Variants in DDR1 observed in about 807,000 individuals in gnomAD.
DDR1 encodes the protein discoidin domain receptor tyrosine kinase 1, also known as epithelial discoidin domain-containing receptor 1.
A neutral mutation model predicts 97.4 loss-of-function variants in DDR1; 64 were observed. The ratio of observed to expected loss-of-function variants is 0.66; its 90% CI spans 0.54 to 0.81. DDR1 has a LOEUF of 0.81. Among genes scored for constraint, DDR1 ranks in the 30% least tolerant of loss-of-function variants. The pLI is 0.00. For synonymous variants in DDR1, 458 were observed against 503.7 expected, an observed-to-expected ratio of 0.91 and a Z score of 1.21; for missense variants, 990 against 1,259.6, an observed-to-expected ratio of 0.79 and a Z score of 3.24.
chr6:30,890,823 TG>T lies in DDR1; in HGVS notation c.418-148del. ...TGCAGATCTTCATTTCACCCATGCCTGGCTGCGCCCCACAGTGCTGTGTGCT... is the reference window on the plus strand; with the variant it reads ...TGCAGATCTTCATTTCACCCATGCCTGCTGCGCCCCACAGTGCTGTGTGCT... On this transcript the variant is annotated intron_variant, in intron 4 of 17. Coordinates refer to ENST00000376568, the MANE Select transcript of DDR1 (RefSeq NM_001297654.2). The surrounding 1 kb of genome is among the most constrained non-coding windows in gnomAD (Gnocchi z 5.0). 1 of 710,578 alleles carries T rather than the reference TG, an allele frequency of 1.4e-6. No homozygotes were observed. Among genetic ancestry groups the T allele is most frequent in the Non-Finnish European group, 2.2e-6 (1 of 463,098 alleles). 44.0% of individuals were successfully genotyped at this position (710,578 alleles called of 1,614,324 possible).
At chr6:30,887,855 C>T (rs1786473201) in intron 1 of DDR1, among the ~76,000 whole-genome samples, 1 of 152,170 alleles carries the variant, frequency 6.6e-6, no homozygotes, top group Admixed American at 6.5e-5. Flanking sequence ...CCATCTCGGC[C>T]TCCCAAAGTG....
chr6:30,896,281 G>C (rs1394240313), intron 12 of DDR1, among the ~76,000 whole-genome samples: 1 of 151,820 alleles, frequency 6.6e-6, no homozygotes, highest in South Asian at 2.1e-4. Context: ...ACCATCCTGA[G>C]GCGGGAGAAT....
chr6:30,882,390 C>T (rs569951183), upstream of DDR1, among the ~76,000 whole-genome samples: 52 of 152,268 alleles, frequency 3.4e-4, no homozygotes, highest in Middle Eastern at 6.8e-3. This position sits in a 1 kb window ranked among gnomAD's most constrained non-coding sequence, Gnocchi z 4.8. Flanking sequence ...CTCTGGGGTT[C>T]GGAGTGATGC....
At chr6:30,895,556 C>A in intron 12 of DDR1, 42 bp downstream of exon 12, 2 of 1,296,002 alleles carry the variant, frequency 1.5e-6, no homozygotes, top group Non-Finnish European at 2.2e-6. Flanking sequence ...CTCCCCATAC[C>A]TCTACTGGGG....
At chr6:30,885,831 C>CGT (rs747520359) in intron 1 of DDR1, 59 of 1,287,754 alleles carry the variant, frequency 4.6e-5, no homozygotes, top group Non-Finnish European at 5.3e-5. Flanking sequence ...TGTGTTTCAC[C>CGT]GTGTGTGTGT....
rs1431931341 is a variant in DDR1, at chr6:30,894,714, T to A, written c.1513+43T>A. The A allele has an allele frequency of 1.3e-6, 2 of 1,506,348 alleles. No homozygotes were observed. Among genetic ancestry groups the A allele is most frequent in the Non-Finnish European group, 1.8e-6 (2 of 1,124,704 alleles). The allele number at this position is 1,506,348 out of a possible 1,614,324, so 93.3% of individuals were successfully genotyped here. On this transcript the variant is annotated intron_variant, in intron 11 of 17. Transcript: ENST00000376568. The surrounding 1 kb of genome is among the most constrained non-coding windows in gnomAD (Gnocchi z 5.7). Reference sequence around the variant, plus strand: ...CCAGTCGCACCTCTGTCCTCTCTGCTGTTTTCTTATTGTATCCCTTTCCCA... The same window carrying A: ...CCAGTCGCACCTCTGTCCTCTCTGCAGTTTTCTTATTGTATCCCTTTCCCA...
rs754763565 is a variant in DDR1 at position 30,891,231 on chromosome 6, TG to T, written c.565+112del. 6.6e-6 allele frequency: 10 copies of T among 1,518,174 alleles called. No individual in the cohort carries two copies. The highest frequency in any genetic ancestry group is 9.0e-6 in the Non-Finnish European group (10 of 1,114,986). The allele number at this position is 1,518,174 out of a possible 1,614,324, so 94.0% of individuals were successfully genotyped here. A position where few individuals can be genotyped will look rare whatever the true frequency, so the allele number is the denominator to read the frequency against. On this transcript the variant is annotated intron_variant, in intron 5 of 17. Transcript: ENST00000376568. The surrounding 1 kb of genome is among the most constrained non-coding windows in gnomAD (Gnocchi z 5.3). The stretch of plus-strand genomic sequence containing the variant: ...TTCTCCTGCTGGGAAGCTGTCACTC[TG>T]AGGAGGGGGCTAGCCAGCATTGTCT...
Position 30,895,450 on chromosome 6 carries a change from C to T in DDR1, c.1560C>T (p.Tyr520=), listed in dbSNP as rs1039650854. 5.6e-6 allele frequency: 9 copies of T among 1,609,834 alleles called. No homozygotes were observed. The highest frequency in any genetic ancestry group is 3.3e-5 in the South Asian group (3 of 90,548). The change falls in exon 12 of 18, where the codon TAC becomes TAT. Residue 520 remains tyrosine, a synonymous_variant. Transcript: ENST00000376568. ...NPAYRLLLAT[Y]ARPPRGPGPP... is the part of the protein sequence containing the mutation. ...CCTACCGCCTCCTTCTGGCCACTTA[C>T]GCCCGTCCCCCTCGAGGCCCGGGCC...
rs1249684989 is a variant in DDR1 at position 30,889,624 on chromosome 6, T to C, written c.417+194T>C. Among the ~76,000 whole-genome samples the C allele has an allele frequency of 6.6e-6, 1 of 151,992 alleles. No homozygotes were observed. The highest frequency in any genetic ancestry group is 2.1e-4 in the South Asian group (1 of 4,828). On this transcript the variant is annotated intron_variant, in intron 4 of 17. Transcript: ENST00000376568. The surrounding 1 kb of genome is among the most constrained non-coding windows in gnomAD (Gnocchi z 4.9). The stretch of plus-strand genomic sequence containing the variant: ...CCACTTAGATGTCTTTTTTTTTTTT[T>C]CTAATAGATGGGGTCTTGCTGTGTT...
rs776932854 is a variant in DDR1 at position 30,892,098 on chromosome 6, C to G, written c.762C>G (p.Asp254Glu). 3 of 1,614,176 alleles carry G rather than the reference C, an allele frequency of 1.9e-6. No homozygotes were observed. In the East Asian group the frequency reaches 6.7e-5, roughly 36 times the overall value. The change falls in exon 7 of 18, where the codon GAC becomes GAG. Residue 254 changes from aspartate to glutamate, a missense_variant. Physicochemically the swap from Asp to Glu is conservative, Grantham distance 45. Coordinates refer to ENST00000376568, the MANE Select transcript of DDR1 (RefSeq NM_001297654.2). ...AGCTGCGGGTCTGGCCAGGCTATGA[C>G]TATGTGGGATGGAGCAACCACAGCT... ...SQELRVWPGY[D>E]YVGWSNHSFS...
rs1307942347 is a variant in DDR1 at position 30,897,500 on chromosome 6, G to A, written c.2119G>A (p.Gly707Ser). 4.3e-6 allele frequency: 7 copies of A among 1,614,008 alleles called. No homozygotes were observed. Among genetic ancestry groups the A allele is most frequent in the East Asian group, 4.5e-5 (2 of 44,878 alleles). Residue 707 changes from glycine (G) to serine (S), a missense_variant, in exon 15 of 18, where the codon GGC becomes AGC. Coordinates refer to ENST00000376568, the MANE Select transcript of DDR1 (RefSeq NM_001297654.2). This position sits in a 1 kb window ranked among gnomAD's most constrained non-coding sequence, Gnocchi z 5.2. ...CATGATTACTGACTACATGGAGAAC[G>A]GCGACCTCAACCAGTTCCTCAGTGC... ...LCMITDYMENGDLNQFLSAHQ... is the reference protein window; with the variant it reads ...LCMITDYMENSDLNQFLSAHQ...
chr6:30,888,663 GCAC>G lies in DDR1; in HGVS notation c.-42-20_-42-18del, dbSNP rs976986533. ...TGACTCAGTCCCCTGATTAACTTAC[GCAC>G]CACCCATTTTATCCCCTGCAGAGAT... is the stretch of plus-strand genomic sequence containing the variant. On this transcript the variant is annotated intron_variant, in intron 1 of 17. Transcript: ENST00000376568. This position sits in a 1 kb window ranked among gnomAD's most constrained non-coding sequence, Gnocchi z 4.2. 2 of 1,595,230 alleles carry G rather than the reference GCAC, an allele frequency of 1.3e-6. No homozygotes were observed. The highest frequency in any genetic ancestry group is 1.7e-6 in the Non-Finnish European group (2 of 1,171,148).
chr6:30,885,179 C>G, intron 1 of DDR1: 1 of 1,529,212 alleles, frequency 6.5e-7, no homozygotes, highest in Non-Finnish European at 8.8e-7. Context: ...AGTGACACCA[C>G]TCTTCCCGGC....
intron 16 of DDR1, 130 bp downstream of exon 16, chr6:30,898,437 T>G: frequency 1.4e-6 from 1 of 715,530 alleles, no homozygotes; most frequent in South Asian, 1.8e-5. Flanking sequence ...ATCTATAATA[T>G]GAGGTTCTCC....
rs1787975984 is a variant in DDR1 at position 30,891,093 on chromosome 6, G to A, written c.538G>A (p.Val180Ile). The change falls in exon 5 of 18, where the codon GTA becomes ATA. Residue 180 changes from valine to isoleucine, a missense_variant. Transcript: ENST00000376568. This position sits in a 1 kb window ranked among gnomAD's most constrained non-coding sequence, Gnocchi z 5.3. ...ADRVMSVCLR[V>I]ELYGCLWRDG... ...CCGGGTCATGAGCGTCTGTCTGCGG[G>A]TAGAGCTCTATGGCTGCCTCTGGAG... 1.2e-6 allele frequency: 2 copies of A among 1,612,952 alleles called. No individual in the cohort carries two copies. The highest frequency in any genetic ancestry group is 1.7e-6 in the Non-Finnish European group (2 of 1,180,028).
chr6:30,897,379 G>A lies in DDR1; in HGVS notation c.1998G>A (p.Arg666=), dbSNP rs1350837671. The A allele has an allele frequency of 6.2e-7, 1 of 1,614,036 alleles. No homozygotes were observed. Among genetic ancestry groups the A allele is most frequent in the East Asian group, 2.2e-5 (1 of 44,860 alleles). ...ILRPDATKNA[R]NDFLKEVKIM... is the part of the protein sequence containing the mutation. ...TCTTCAGCTTCTCCTTGTTCTCCAG[G>A]AATGATTTCCTGAAAGAGGTGAAGA... The change falls in exon 15 of 18, where the codon AGG becomes AGA. Residue 666 remains arginine (R), a splice_region_variant and synonymous_variant. Transcript: ENST00000376568. This position sits in a 1 kb window ranked among gnomAD's most constrained non-coding sequence, Gnocchi z 5.2.
At position 30,892,898 on chromosome 6, in the gene DDR1, A is replaced by G. The variant is rs917821816; in HGVS notation, c.1100-170A>G. The G allele has an allele frequency of 4.0e-5, 26 of 647,568 alleles. No homozygotes were observed. The African/African-American group carries it at 4.7e-4, about 12-fold the overall frequency. The allele number at this position is 647,568 out of a possible 1,614,324, so 40.1% of individuals were successfully genotyped here. On this transcript the variant is annotated intron_variant, in intron 8 of 17. Transcript: ENST00000376568. ...TCCAGCAACTATAGGGTTAACACCCACCACAGCTGGGTGTTCCAGGACCCT... is the reference window on the plus strand; with the variant it reads ...TCCAGCAACTATAGGGTTAACACCCGCCACAGCTGGGTGTTCCAGGACCCT...
Position 30,898,266 on chromosome 6 carries a change from G to C in DDR1, c.2410G>C (p.Val804Leu). 1 of 1,614,190 alleles carries C rather than the reference G, an allele frequency of 6.2e-7. No individual in the cohort carries two copies. Among genetic ancestry groups the C allele is most frequent in the East Asian group, 2.2e-5 (1 of 44,878 alleles). Residue 804 changes from valine (V) to leucine (L), a missense_variant, in exon 16 of 18, where the codon GTG (valine) becomes CTG (leucine). Coordinates refer to ENST00000376568, the MANE Select transcript of DDR1 (RefSeq NM_001297654.2). The part of the protein sequence containing the change: ...GDYYRVQGRA[V>L]LPIRWMAWEC... ...CTATTACCGTGTGCAGGGCCGGGCA[G>C]TGCTGCCCATCCGCTGGATGGCCTG...
chr6:30,891,262 C>T lies in DDR1; in HGVS notation c.566-118C>T. On this transcript the variant is annotated intron_variant, in intron 5 of 17. Coordinates refer to ENST00000376568, the MANE Select transcript of DDR1 (RefSeq NM_001297654.2). The surrounding 1 kb of genome is among the most constrained non-coding windows in gnomAD (Gnocchi z 5.3). ...GGGGGCTAGCCAGCATTGTCTCCTC[C>T]ATGCCAATGAGCCAGTGGAGAGATA... 7.0e-7 allele frequency: 1 copy of T among 1,419,260 alleles called. No homozygotes were observed. The highest frequency in any genetic ancestry group is 9.7e-7 in the Non-Finnish European group (1 of 1,029,674). The allele number at this position is 1,419,260 out of a possible 1,614,324, so 87.9% of individuals were successfully genotyped here. A position where few individuals can be genotyped will look rare whatever the true frequency, so the allele number is the denominator to read the frequency against.
Sources: allele counts gnomAD v4.1 joint callset (sites outside exome capture counted in the v4.1 genomes callset), GRCh38; gene constraint gnomAD v4.1.1; non-coding constraint Gnocchi (gnomAD v3.1); transcripts MANE v1.5; gene names NCBI Gene and HGNC (gene_info 2026-07-23, HGNC 2026-07-21).